TMEM177: variants seen among roughly 807,000 people sequenced by gnomAD.
TMEM177 encodes transmembrane protein 177.
In TMEM177, 4 loss-of-function variants were observed where a neutral mutation model predicts 14.2. The observed-to-expected ratio is 0.28, with a 90% CI of 0.14 to 0.64. The LOEUF (loss-of-function observed/expected upper bound fraction) is 0.64, where lower values mean the gene tolerates loss of function less well. Ranked by LOEUF, TMEM177 falls within the 30% of genes least tolerant of loss-of-function variation. The pLI, the probability that TMEM177 is intolerant of heterozygous loss-of-function variation, is 0.82. For missense variants in TMEM177, 344 were observed against 405.2 expected (o/e 0.85, Z 1.30); for synonymous variants, 179 against 174.5 (o/e 1.03, Z -0.20).
In TMEM177 at chr2:119,681,514, G is replaced by A. The variant is rs760069479; in HGVS notation, c.661G>A (p.Asp221Asn). The A allele has an allele frequency of 1.2e-6, 2 of 1,614,018 alleles. No individual in the cohort carries two copies. Among genetic ancestry groups the A allele is most frequent in the South Asian group, 2.2e-5 (2 of 91,088 alleles). Residue 221 changes from aspartate (D) to asparagine (N), a missense_variant, in exon 2 of 2, where the codon GAT becomes AAT. Physicochemically the swap from Asp to Asn is conservative, Grantham distance 23. Coordinates refer to ENST00000272521, the MANE Select transcript of TMEM177 (RefSeq NM_030577.3). ...CTTTGTGGCCTACGCCTTCTCCCAG[G>A]ATTCTCTCACTCATGCCGTGGAGTC... ...AGFVAYAFSQDSLTHAVESWL... is the reference protein window; with the variant it reads ...AGFVAYAFSQNSLTHAVESWL...
rs1333984503 is a variant in TMEM177 at position 119,681,617 on chromosome 2, C to T, written c.764C>T (p.Ser255Leu). ...GTGGAGTTCTATGAGAAGCTTCTGTCGGGCAACCTGGCCCTGCGCAGTCTC... is the reference window on the plus strand; with the variant it reads ...GTGGAGTTCTATGAGAAGCTTCTGTTGGGCAACCTGGCCCTGCGCAGTCTC... ...GGVEFYEKLL[S>L]GNLALRSLLG... Residue 255 changes from serine (S) to leucine (L), a missense_variant, in exon 2 of 2, where the codon TCG (serine) becomes TTG (leucine). By Grantham distance (145) the Ser-to-Leu change is moderately radical. Coordinates refer to ENST00000272521, the MANE Select transcript of TMEM177 (RefSeq NM_030577.3). 13 of 1,614,120 alleles carry T rather than the reference C, an allele frequency of 8.1e-6. No homozygotes were observed. Among genetic ancestry groups the T allele is most frequent in the Middle Eastern group, 1.6e-4 (1 of 6,084 alleles).
the TMEM177 span, among the ~76,000 whole-genome samples, chr2:119,721,483 T>A: frequency 6.6e-6 from 1 of 152,226 alleles, no homozygotes; most frequent in African/African-American, 2.4e-5. Flanking sequence ...TTTCCTGAGT[T>A]CTGTGAGTCA....
chr2:119,683,464 C>T (rs1200612110), downstream of TMEM177, among the ~76,000 whole-genome samples: 7 of 152,222 alleles, frequency 4.6e-5, no homozygotes, highest in Non-Finnish European at 8.8e-5. Context: ...GAGGCCACCT[C>T]ATTCCTGAGC....
At chr2:119,706,035 A>ATTTTTT in the TMEM177 span, among the ~76,000 whole-genome samples, 9 of 91,878 alleles carry the variant, frequency 9.8e-5, no homozygotes, top group African/African-American at 2.8e-4. Flanking sequence ...ATATATATAT[A>ATTTTTT]TTTTTTTGAG....
chr2:119,715,833 C>G, the TMEM177 span, among the ~76,000 whole-genome samples: 3 of 152,192 alleles, frequency 2.0e-5, no homozygotes, highest in Non-Finnish European at 2.9e-5. Context: ...AAAGCCTGTC[C>G]CTGTGTTGTT....
chr2:119,703,901 T>A, the TMEM177 span, among the ~76,000 whole-genome samples: 17 of 152,366 alleles, frequency 1.1e-4, no homozygotes, highest in Admixed American at 1.0e-3. Context: ...CTTTGTTGGT[T>A]TCCTTAAACT....
chr2:119,716,181 G>A, the TMEM177 span, among the ~76,000 whole-genome samples: 1 of 152,190 alleles, frequency 6.6e-6, no homozygotes, highest in East Asian at 1.9e-4. Flanking sequence ...AGCCTCCTTA[G>A]CCAGGCTGGA....
At chr2:119,723,152 G>A in the TMEM177 span, among the ~76,000 whole-genome samples, 8 of 152,062 alleles carry the variant, frequency 5.3e-5, no homozygotes, top group Non-Finnish European at 7.4e-5. Flanking sequence ...AAAAACAGAC[G>A]AGTAGACAAA....
the TMEM177 span, among the ~76,000 whole-genome samples, chr2:119,717,733 C>G: frequency 0.022 from 3,266 of 151,844 alleles, 123 homozygotes; most frequent in African/African-American, 0.074. Flanking sequence ...CTCAGCCTCC[C>G]GAGTAGCTGA....
the TMEM177 span, among the ~76,000 whole-genome samples, chr2:119,709,199 C>A: frequency 6.6e-6 from 1 of 152,198 alleles, no homozygotes; most frequent in Non-Finnish European, 1.5e-5. Flanking sequence ...TTATGACATG[C>A]AGACAAGGGT....
the TMEM177 span, among the ~76,000 whole-genome samples, chr2:119,720,651 T>C: frequency 2.0e-5 from 3 of 152,210 alleles, no homozygotes; most frequent in African/African-American, 4.8e-5. Context: ...CTGAATTTTT[T>C]TGGACGCCTG....
At chr2:119,691,966 C>G in the TMEM177 span, among the ~76,000 whole-genome samples, 2 of 152,206 alleles carry the variant, frequency 1.3e-5, no homozygotes, top group African/African-American at 4.8e-5. Flanking sequence ...GATGGCCCAG[C>G]CTCGCAGTCT....
At chr2:119,686,912 G>A (rs1376025002), downstream of TMEM177, among the ~76,000 whole-genome samples, 1 of 152,136 alleles carries the variant, frequency 6.6e-6, no homozygotes, top group East Asian at 1.9e-4. Context: ...TGTTAGTAAG[G>A]TTGTAGTAAA....
chr2:119,716,215 C>T, the TMEM177 span, among the ~76,000 whole-genome samples: 4 of 152,188 alleles, frequency 2.6e-5, no homozygotes, highest in African/African-American at 7.2e-5. Context: ...CCCAGGAGCC[C>T]GCACTGGAGA....
chr2:119,720,504 A>G, the TMEM177 span, among the ~76,000 whole-genome samples: 1 of 152,108 alleles, frequency 6.6e-6, no homozygotes, highest in Non-Finnish European at 1.5e-5. Flanking sequence ...TCCTGACCTC[A>G]GATGATCCGC....
the TMEM177 span, among the ~76,000 whole-genome samples, chr2:119,695,737 G>T: frequency 6.6e-6 from 1 of 152,126 alleles, no homozygotes; most frequent in Non-Finnish European, 1.5e-5. Flanking sequence ...TTATTTTTTT[G>T]AACTTCACAG....
chr2:119,685,416 C>T (rs187161137), downstream of TMEM177, among the ~76,000 whole-genome samples: 1,193 of 152,074 alleles, frequency 7.8e-3, 8 homozygotes, highest in Non-Finnish European at 0.012. Flanking sequence ...TGGAGCTGGG[C>T]GCGCACACAC....
At chr2:119,703,679 G>C in the TMEM177 span, among the ~76,000 whole-genome samples, 54 of 152,138 alleles carry the variant, frequency 3.5e-4, no homozygotes, top group Non-Finnish European at 6.3e-4. Flanking sequence ...GGATCACCCC[G>C]ACTCCCTTCC....
At chr2:119,720,758 T>C in the TMEM177 span, among the ~76,000 whole-genome samples, 1 of 152,262 alleles carries the variant, frequency 6.6e-6, no homozygotes, top group Non-Finnish European at 1.5e-5. Context: ...TAATAGTTCT[T>C]ATTGTTTAAG....
Sources: allele counts gnomAD v4.1 joint callset (sites outside exome capture counted in the v4.1 genomes callset), GRCh38; gene constraint gnomAD v4.1.1; transcripts MANE v1.5; gene names NCBI Gene and HGNC (gene_info 2026-07-23, HGNC 2026-07-21).